Variants in C2 observed in about 807,000 individuals in gnomAD.
The protein encoded by C2 is complement C2.
In C2, 64 loss-of-function variants were observed where a neutral mutation model predicts 85.2. The ratio of observed to expected loss-of-function variants is 0.75; its 90% CI spans 0.61 to 0.92. C2 has a LOEUF of 0.92. Ranked by LOEUF, C2 falls within the 40% of genes least tolerant of loss-of-function variation. The pLI is 0.00. For missense variants in C2, 820 were observed against 971.6 expected (o/e 0.84, Z 2.07); for synonymous variants, 311 against 370.8 (o/e 0.84, Z 1.85).
intron 9 of C2, among the ~76,000 whole-genome samples, chr6:31,942,142 C>T (rs1382956499): frequency 2.9e-5 from 4 of 137,670 alleles, no homozygotes; most frequent in Admixed American, 2.2e-4. Context: ...TTTTTTGAGA[C>T]GGGGTTTTGC....
In C2 at chr6:31,912,744, G is replaced by A. The variant is rs188541941; in HGVS notation, c.73+11605G>A. Among the ~76,000 whole-genome samples, 30 of 151,878 alleles carry A rather than the reference G, an allele frequency of 2.0e-4. 1 individual carries two copies. Among genetic ancestry groups the A allele is most frequent in the Admixed American group, 6.6e-4 (10 of 15,242 alleles). ...AATCCCAGCTACTCAGGAGGCTGAG[G>A]CAGGAGAATCGCTTGAACCTGGGAG... is the stretch of plus-strand genomic sequence containing the variant. On this transcript the variant is annotated intron_variant, in intron 1 of 3. Coordinates refer to the C2 transcript ENST00000452202.
chr6:31,912,613 G>T (rs1249721492), intron 1 of C2, among the ~76,000 whole-genome samples: 1 of 152,122 alleles, frequency 6.6e-6, no homozygotes, highest in Non-Finnish European at 1.5e-5. Context: ...GCTGAGGCAG[G>T]TGGATCACCT....
In C2 at chr6:31,945,352, C is replaced by T. The variant is rs1562621627; in HGVS notation, c.2254C>T (p.Leu752Phe). Reference sequence around the variant, plus strand: ...GGGGGATGTCCTGAATTTTTTACCCCTCTAGCCATGGCCACTGAGCCCTCT... The same window carrying T: ...GGGGGATGTCCTGAATTTTTTACCCTTCTAGCCATGGCCACTGAGCCCTCT... ...HLGDVLNFLPL is the reference protein window; with the variant it reads ...HLGDVLNFLPF Residue 752 changes from leucine to phenylalanine, a missense_variant, in exon 18 of 18, where the codon CTC becomes TTC. Leu to Phe is a conservative substitution (Grantham distance 22). Transcript: ENST00000299367. This position sits in a 1 kb window ranked among gnomAD's most constrained non-coding sequence, Gnocchi z 5.3. The T allele has an allele frequency of 6.2e-7, 1 of 1,612,774 alleles. No homozygotes were observed. Among genetic ancestry groups the T allele is most frequent in the Non-Finnish European group, 8.5e-7 (1 of 1,179,986 alleles).
Position 31,945,131 on chromosome 6 carries a change from A to G in C2, c.2080-47A>G. ...GGGATCTAGGGAGGTTGGGGCTTAC[A>G]GTTGGGGCTGTGGCAGCCTCCCAGC... is the stretch of plus-strand genomic sequence containing the variant. On this transcript the variant is annotated intron_variant, in intron 17 of 17. Coordinates refer to ENST00000299367, the MANE Select transcript of C2 (RefSeq NM_000063.6). This position sits in a 1 kb window ranked among gnomAD's most constrained non-coding sequence, Gnocchi z 5.3. 6.2e-7 allele frequency: 1 copy of G among 1,610,870 alleles called. No individual in the cohort carries two copies. The highest frequency in any genetic ancestry group is 8.5e-7 in the Non-Finnish European group (1 of 1,178,206).
rs555992365 is a variant in C2 at position 31,921,617 on chromosome 6, G to C, written c.-100+1591G>C. Among the ~76,000 whole-genome samples, 14 of 152,144 alleles carry C rather than the reference G, an allele frequency of 9.2e-5. No homozygotes were observed. The highest frequency in any genetic ancestry group is 4.6e-4 in the Admixed American group (7 of 15,266). On this transcript the variant is annotated intron_variant, in intron 1 of 3. Coordinates refer to the C2 transcript ENST00000413154. The surrounding 1 kb of genome is among the most constrained non-coding windows in gnomAD (Gnocchi z 4.6). ...GCCATGCTGCCTGGGTTTGAATCCC[G>C]GCTCTGCTGCTTAGTACCTGTATGA...
At chr6:31,911,123 AC>A (rs1310167974) in intron 1 of C2, among the ~76,000 whole-genome samples, 3 of 151,722 alleles carry the variant, frequency 2.0e-5, no homozygotes, top group Non-Finnish European at 2.9e-5. Flanking sequence ...ACAAGGTGAA[AC>A]CCCGTCTCTA....
rs559254018 is a variant in C2 at position 31,940,790 on chromosome 6, C to T, written c.1219+1470C>T. Among the ~76,000 whole-genome samples, 16 of 152,316 alleles carry T rather than the reference C, an allele frequency of 1.1e-4. No individual in the cohort carries two copies. In the South Asian group the frequency reaches 3.1e-3, roughly 30 times the overall value. On this transcript the variant is annotated intron_variant, in intron 9 of 17. Transcript: ENST00000299367. ...ACCAAACGAAAATAGTCAAAGAAAA[C>T]GCACAAGGCACGATCGTTGTCTAGC...
At chr6:31,900,808 GGGCTTCGGGGCT>G, upstream of C2, 1 of 1,601,010 alleles carries the variant, frequency 6.2e-7, no homozygotes, top group African/African-American at 1.3e-5. The surrounding 1 kb of genome is among the most constrained non-coding windows in gnomAD (Gnocchi z 9.7). Context: ...GTGGGGGTGG[GGGCTTCGGGGCT>G]GGCTTTGGGG....
intron 8 of C2, among the ~76,000 whole-genome samples, 186 bp downstream of exon 8, chr6:31,937,645 C>T (rs1770540245): frequency 6.6e-6 from 1 of 151,432 alleles, no homozygotes; most frequent in South Asian, 2.1e-4. Flanking sequence ...AGCAATCCTC[C>T]TGCCTCAGCC....
chr6:31,937,206 C>CAAAAAAA, intron 7 of C2, 113 bp from the exon 8 acceptor site: 2 of 1,024,360 alleles, frequency 2.0e-6, no homozygotes, highest in Non-Finnish European at 2.9e-6. Context: ...GAGACTCTCT[C>CAAAAAAA]AAAAAAAAAA....
rs750221536 is a variant in C2 at position 31,901,288 on chromosome 6, T to A, written c.73+149T>A. 3.7e-5 allele frequency: 60 copies of A among 1,611,492 alleles called. No homozygotes were observed. The highest frequency in any genetic ancestry group is 4.8e-5 in the Non-Finnish European group (56 of 1,178,778). On this transcript the variant is annotated intron_variant, in intron 1 of 3. Coordinates refer to the C2 transcript ENST00000452202. ...GGCCGGGCAGCTGGAAGCGCAGGACTTCCACCCCAGAGGCCATTGTGGCGG... is the reference window on the plus strand; with the variant it reads ...GGCCGGGCAGCTGGAAGCGCAGGACATCCACCCCAGAGGCCATTGTGGCGG...
chr6:31,901,048 G>C, exon 1 of C2: 1 of 1,614,242 alleles, frequency 6.2e-7, no homozygotes, highest in Non-Finnish European at 8.5e-7. Context: ...TGTAGCAGGA[G>C]AGGAGCAAGT....
At chr6:31,938,195 T>C (rs1562605368) in intron 8 of C2, among the ~76,000 whole-genome samples, 1 of 151,936 alleles carries the variant, frequency 6.6e-6, no homozygotes, top group Non-Finnish European at 1.5e-5. Context: ...AACTTGGAGA[T>C]AGATGAGGAA....
intron 3 of C2, among the ~76,000 whole-genome samples, 185 bp from the exon 4 acceptor site, chr6:31,933,425 G>A (rs1430715485): frequency 1.3e-5 from 2 of 152,154 alleles, no homozygotes; most frequent in African/African-American, 2.4e-5. Flanking sequence ...AAATATAAAT[G>A]TTCTCTGAAG....
rs973186905 is a variant in C2 at position 31,943,802 on chromosome 6, C to T, written c.1726C>T (p.His576Tyr). 1 of 1,613,064 alleles carries T rather than the reference C, an allele frequency of 6.2e-7. No homozygotes were observed. Among genetic ancestry groups the T allele is most frequent in the African/African-American group, 1.3e-5 (1 of 75,048 alleles). Reference sequence around the variant, plus strand: ...GGCCCAGAAAGTAAAGATGTCCACCCATGCCAGGTGCCTGGAGTCTGGGAT... The same window carrying T: ...GGCCCAGAAAGTAAAGATGTCCACCTATGCCAGGTGCCTGGAGTCTGGGAT... ...KLAQKVKMSTHARPICLPCTM... is the reference protein window; with the variant it reads ...KLAQKVKMSTYARPICLPCTM... Residue 576 changes from histidine to tyrosine, a missense_variant, in exon 13 of 18, where the codon CAT becomes TAT. By Grantham distance (83) the His-to-Tyr change is moderately conservative. Coordinates refer to ENST00000299367, the MANE Select transcript of C2 (RefSeq NM_000063.6). The surrounding 1 kb of genome is among the most constrained non-coding windows in gnomAD (Gnocchi z 6.4).
In C2 at chr6:31,928,794, T is replaced by C. The variant is rs753662897; in HGVS notation, c.319T>C (p.Tyr107His). ...CATTTATACCCCACGGCTGGGGTCC[T>C]ATCCCGTGGGTGGCAATGTGAGCTT... is the stretch of plus-strand genomic sequence containing the variant. ...NGIYTPRLGS[Y>H]PVGGNVSFEC... is the part of the protein sequence containing the mutation. The change falls in exon 3 of 18, where the codon TAT becomes CAT. Residue 107 changes from tyrosine (Y) to histidine (H), a missense_variant. By Grantham distance (83) the Tyr-to-His change is moderately conservative. Transcript: ENST00000299367. 2.5e-6 allele frequency: 4 copies of C among 1,614,042 alleles called. No individual in the cohort carries two copies. The Admixed American group carries it at 6.7e-5, about 27-fold the overall frequency.
chr6:31,928,784 G>T lies in C2; in HGVS notation c.309G>T (p.Arg103=), dbSNP rs375685184. Residue 103 remains arginine (R), a synonymous_variant, in exon 3 of 18, where the codon CGG becomes CGT. Coordinates refer to ENST00000299367, the MANE Select transcript of C2 (RefSeq NM_000063.6). Reference sequence around the variant, plus strand: ...TTGAGAATGGCATTTATACCCCACGGCTGGGGTCCTATCCCGTGGGTGGCA... The same window carrying T: ...TTGAGAATGGCATTTATACCCCACGTCTGGGGTCCTATCCCGTGGGTGGCA... ...VSFENGIYTP[R]LGSYPVGGNV... 104 of 1,614,166 alleles carry T rather than the reference G, an allele frequency of 6.4e-5. No homozygotes were observed. In the East Asian group the frequency reaches 1.6e-3, roughly 26 times the overall value.
intron 1 of C2, among the ~76,000 whole-genome samples, chr6:31,907,841 CTTTTTTTTTT>C (rs9281622): frequency 1.5e-5 from 1 of 67,976 alleles, no homozygotes; most frequent in South Asian, 7.5e-4. Flanking sequence ...CCACTTCTGG[CTTTTTTTTTT>C]TTTTTTTTTT....
intron 1 of C2, among the ~76,000 whole-genome samples, chr6:31,911,454 T>A (rs1444853597): frequency 1.3e-5 from 2 of 152,012 alleles, no homozygotes; most frequent in Non-Finnish European, 2.9e-5. Flanking sequence ...AAGTTTTAGA[T>A]AGCAGCATAA....
Sources: gnomAD v4.1 joint callset for allele counts (sites outside exome capture counted in the v4.1 genomes callset) on GRCh38, gnomAD v4.1.1 for gene constraint, Gnocchi (gnomAD v3.1) non-coding constraint, MANE v1.5 for transcripts, NCBI Gene and HGNC (gene_info 2026-07-23, HGNC 2026-07-21) for gene names.